The following GRIA4 variants were observed in gnomAD, a reference collection of about 807,000 sequenced individuals.
The protein encoded by GRIA4 is glutamate receptor 4.
In GRIA4, 34 loss-of-function variants were observed where a neutral mutation model predicts 104.0. That is an observed-to-expected ratio of 0.33 (90% confidence interval 0.25 to 0.44). The LOEUF (loss-of-function observed/expected upper bound fraction) is 0.44. Among genes scored for constraint, GRIA4 ranks in the 20% least tolerant of loss-of-function variants. GRIA4 has a pLI of 1.00. For synonymous variants in GRIA4, 386 were observed against 381.9 expected (o/e 1.01, Z -0.13); for missense variants, 750 against 1,096.5 (o/e 0.68, Z 4.46).
intron 4 of GRIA4, among the ~76,000 whole-genome samples, chr11:105,859,254 A>G (rs1043059184): frequency 1.3e-5 from 2 of 152,186 alleles, no homozygotes; most frequent in African/African-American, 4.8e-5. Flanking sequence ...AAAGAGTATG[A>G]TTTTAGCCAA....
intron 3 of GRIA4, among the ~76,000 whole-genome samples, chr11:105,692,250 T>TTG (rs1367978267): frequency 6.6e-6 from 1 of 151,956 alleles, no homozygotes; most frequent in Non-Finnish European, 1.5e-5. Flanking sequence ...ATTTCCTCTT[T>TTG]TTTTTAAAAA....
chr11:105,932,740 A>G (rs1947918989), intron 13 of GRIA4, among the ~76,000 whole-genome samples: 1 of 152,156 alleles, frequency 6.6e-6, no homozygotes, highest in Non-Finnish European at 1.5e-5. Flanking sequence ...TATATGTTCT[A>G]TTTGAAAATT....
At chr11:105,884,011 A>G (rs1292770398) in intron 5 of GRIA4, among the ~76,000 whole-genome samples, 3 of 152,194 alleles carry the variant, frequency 2.0e-5, no homozygotes, top group Non-Finnish European at 2.9e-5. Context: ...CAAAACCACA[A>G]TGAGATACCA....
chr11:105,631,652 G>A (rs185581651), intron 3 of GRIA4, among the ~76,000 whole-genome samples: 1 of 152,034 alleles, frequency 6.6e-6, no homozygotes, highest in Non-Finnish European at 1.5e-5. Context: ...TGTTCACTTG[G>A]CAACTGTCTT....
chr11:105,678,739 T>C lies in GRIA4; in HGVS notation c.247+66305T>C, dbSNP rs1173748757. 2.6e-5 allele frequency among the ~76,000 whole-genome samples: 4 copies of C among 152,098 alleles called. No individual in the cohort carries two copies. In the East Asian group the frequency reaches 5.8e-4, roughly 22 times the overall value. On this transcript the variant is annotated intron_variant, in intron 3 of 16. Coordinates refer to ENST00000282499, the MANE Select transcript of GRIA4 (RefSeq NM_000829.4). ...AGCACATCAAGAAATTATGAGTAGA[T>C]GAAACTCTGAATAAGTTATTCCAGG...
intron 14 of GRIA4, among the ~76,000 whole-genome samples, chr11:105,954,283 C>T (rs575985976): frequency 6.6e-5 from 10 of 152,004 alleles, no homozygotes; most frequent in Admixed American, 2.6e-4. Context: ...TAAGAATAAC[C>T]CCTAATTTAT....
At chr11:105,693,121 TAAAC>T (rs1953148117) in intron 3 of GRIA4, among the ~76,000 whole-genome samples, 1 of 152,134 alleles carries the variant, frequency 6.6e-6, no homozygotes, top group African/African-American at 2.4e-5. Context: ...TTAAACATCA[TAAAC>T]AAATAAAACA....
intron 3 of GRIA4, among the ~76,000 whole-genome samples, chr11:105,654,920 C>T (rs779671234): frequency 6.6e-6 from 1 of 152,116 alleles, no homozygotes; most frequent in African/African-American, 2.4e-5. Flanking sequence ...GGTCAAACTA[C>T]CCAGATCATA....
At chr11:105,623,280 G>A (rs1373922) in intron 3 of GRIA4, among the ~76,000 whole-genome samples, 150,039 of 151,836 alleles carry the variant, frequency 0.99, 74,156 homozygotes, top group Middle Eastern at 1. Context: ...TTCTCAGACT[G>A]AAAGTTGTGC....
intron 3 of GRIA4, among the ~76,000 whole-genome samples, chr11:105,744,397 A>G (rs1401989094): frequency 3.3e-5 from 5 of 152,124 alleles, no homozygotes; most frequent in Non-Finnish European, 7.4e-5. Context: ...ACAACCTTAA[A>G]CAATTTGCCC....
intron 3 of GRIA4, among the ~76,000 whole-genome samples, chr11:105,645,689 G>T (rs979308937): frequency 1.3e-5 from 2 of 152,092 alleles, no homozygotes; most frequent in African/African-American, 4.8e-5. Context: ...ATGAATAAAA[G>T]AAAAGGAGGA....
At chr11:105,864,205 T>C (rs1945327825) in intron 5 of GRIA4, among the ~76,000 whole-genome samples, 1 of 152,228 alleles carries the variant, frequency 6.6e-6, no homozygotes, top group Non-Finnish European at 1.5e-5. Context: ...AGAAAAGCTG[T>C]GTTTTTATTC....
chr11:105,876,897 C>T (rs544420314), intron 5 of GRIA4, among the ~76,000 whole-genome samples: 1 of 152,272 alleles, frequency 6.6e-6, no homozygotes, highest in African/African-American at 2.4e-5. Context: ...TTAATTGGGG[C>T]ATTTAGCCCG....
In GRIA4 at chr11:105,848,241, C is replaced by T. The variant is rs181421836; in HGVS notation, c.488-13783C>T. Among the ~76,000 whole-genome samples the T allele has an allele frequency of 9.9e-5, 15 of 152,248 alleles. No homozygotes were observed. In the East Asian group the frequency reaches 1.7e-3, roughly 18 times the overall value. ...ACAACTAAAATATGAGAAGGGACAG[C>T]AGGCAGCACTTTTTTGTACTCTTTG... On this transcript the variant is annotated intron_variant, in intron 4 of 16. Coordinates refer to ENST00000282499, the MANE Select transcript of GRIA4 (RefSeq NM_000829.4).
At chr11:105,820,627 T>A (rs1010815423) in intron 4 of GRIA4, among the ~76,000 whole-genome samples, 1 of 151,834 alleles carries the variant, frequency 6.6e-6, no homozygotes, top group African/African-American at 2.4e-5. Context: ...TTTCCATCTA[T>A]GTTGTCAGAA....
chr11:105,887,514 C>T lies in GRIA4; in HGVS notation c.673-5C>T, dbSNP rs1306195560. On this transcript the variant is annotated splice_region_variant and splice_polypyrimidine_tract_variant and intron_variant, in intron 5 of 16. Transcript: ENST00000282499. ...ATTTTCTCTTATTTGCTTATATCTT[C>T]ACAGATTGTAAGTGTTGGAAAGCAT... 2 of 1,299,152 alleles carry T rather than the reference C, an allele frequency of 1.5e-6. No individual in the cohort carries two copies. Among genetic ancestry groups the T allele is most frequent in the Non-Finnish European group, 2.2e-6 (2 of 917,262 alleles). 80.5% of individuals were successfully genotyped at this position (1,299,152 alleles called of 1,614,324 possible). A position where few individuals can be genotyped will look rare whatever the true frequency, so the allele number is the denominator to read the frequency against.
intron 14 of GRIA4, among the ~76,000 whole-genome samples, chr11:105,950,073 T>C (rs549085844): frequency 9.8e-5 from 15 of 152,344 alleles, no homozygotes; most frequent in African/African-American, 3.1e-4. Context: ...GTAAGCTGAA[T>C]TGTTGAGAAA....
At chr11:105,681,918 T>C (rs1952722331) in intron 3 of GRIA4, among the ~76,000 whole-genome samples, 1 of 152,018 alleles carries the variant, frequency 6.6e-6, no homozygotes. Flanking sequence ...CGTGGGCGCC[T>C]GTAATCCCAG....
intron 14 of GRIA4, among the ~76,000 whole-genome samples, chr11:105,939,553 A>C (rs1018176810): frequency 6.6e-6 from 1 of 152,142 alleles, no homozygotes; most frequent in Non-Finnish European, 1.5e-5. Flanking sequence ...ATTCTCCCAG[A>C]AAGATATTTT....
Sources: allele counts gnomAD v4.1 joint callset (sites outside exome capture counted in the v4.1 genomes callset), GRCh38; gene constraint gnomAD v4.1.1; transcripts MANE v1.5; gene names NCBI Gene and HGNC (gene_info 2026-07-23, HGNC 2026-07-21).